The following SCD5 variants were observed in gnomAD, a reference collection of about 807,000 sequenced individuals.
SCD5 encodes the protein acyl-CoA-desaturase 4.
SCD5 carries 20 observed loss-of-function variants against 30.4 expected under a neutral mutation model. The observed-to-expected ratio is 0.66, with a 90% CI of 0.46 to 0.96. The LOEUF is 0.96. SCD5 is among the 40% of genes least tolerant of loss of function. The pLI, the probability that SCD5 is intolerant of heterozygous loss-of-function variation, is 0.00. For synonymous variants in SCD5, 173 were observed against 176.4 expected, an observed-to-expected ratio of 0.98 and a Z score of 0.16; for missense variants, 381 against 443.3, an observed-to-expected ratio of 0.86 and a Z score of 1.26.
chr4:82,775,217 C>G (rs1455526346), intron 1 of SCD5, among the ~76,000 whole-genome samples: 1 of 152,168 alleles, frequency 6.6e-6, no homozygotes, highest in East Asian at 1.9e-4. Flanking sequence ...TTCACTGGAC[C>G]ACAGTTGCTT....
At chr4:82,790,980 C>A (rs1283722394) in intron 1 of SCD5, among the ~76,000 whole-genome samples, 1 of 152,172 alleles carries the variant, frequency 6.6e-6, no homozygotes, top group East Asian at 1.9e-4. Context: ...TGGCTCATGC[C>A]TGTAATCCCA....
intron 1 of SCD5, among the ~76,000 whole-genome samples, chr4:82,735,817 GAAAT>G (rs1720738044): frequency 6.6e-6 from 1 of 152,174 alleles, no homozygotes; most frequent in African/African-American, 2.4e-5. Flanking sequence ...TCCTTGACTA[GAAAT>G]ATGTCGTAGG....
intron 3 of SCD5, among the ~76,000 whole-genome samples, chr4:82,646,526 T>G (rs563651921): frequency 1.3e-5 from 2 of 152,334 alleles, no homozygotes; most frequent in African/African-American, 4.8e-5. Flanking sequence ...TGCAGTGTCT[T>G]TAAGTGAAAG....
chr4:82,795,332 G>T (rs1232122429), intron 1 of SCD5, among the ~76,000 whole-genome samples: 1 of 152,144 alleles, frequency 6.6e-6, no homozygotes, highest in Admixed American at 6.5e-5. Flanking sequence ...CATGAACTTG[G>T]CCCTAATGCT....
At chr4:82,662,549 A>T (rs929877255) in intron 3 of SCD5, among the ~76,000 whole-genome samples, 1 of 151,766 alleles carries the variant, frequency 6.6e-6, no homozygotes, top group Non-Finnish European at 1.5e-5. Context: ...TCATACCATT[A>T]TTATAATGGT....
At chr4:82,698,263 A>C (rs1350218798) in intron 2 of SCD5, among the ~76,000 whole-genome samples, 2 of 152,146 alleles carry the variant, frequency 1.3e-5, no homozygotes, top group Non-Finnish European at 2.9e-5. Flanking sequence ...GAGCCACATA[A>C]GGTTAAGGAT....
chr4:82,649,065 T>A (rs1727689791), intron 3 of SCD5, among the ~76,000 whole-genome samples: 1 of 152,054 alleles, frequency 6.6e-6, no homozygotes, highest in Non-Finnish European at 1.5e-5. Context: ...GATAGCTGAG[T>A]AGTGAGACAC....
intron 1 of SCD5, among the ~76,000 whole-genome samples, chr4:82,762,531 T>C (rs1721398895): frequency 6.6e-6 from 1 of 152,122 alleles, no homozygotes; most frequent in South Asian, 2.1e-4. Flanking sequence ...GCGTGAGCCA[T>C]TGCATCCAGC....
intron 1 of SCD5, among the ~76,000 whole-genome samples, chr4:82,738,549 C>G (rs1459065964): frequency 6.6e-6 from 1 of 152,202 alleles, no homozygotes; most frequent in Non-Finnish European, 1.5e-5. Flanking sequence ...TTCTTACTTG[C>G]CAGCTTAGAC....
intron 1 of SCD5, among the ~76,000 whole-genome samples, chr4:82,785,457 T>C (rs1298842739): frequency 6.6e-6 from 1 of 152,246 alleles, no homozygotes; most frequent in African/African-American, 2.4e-5. Context: ...AAAGTCCTTT[T>C]CGTTTGTCCT....
At chr4:82,740,026 C>T (rs1055175392) in intron 1 of SCD5, among the ~76,000 whole-genome samples, 2 of 152,146 alleles carry the variant, frequency 1.3e-5, no homozygotes, top group Admixed American at 6.5e-5. Context: ...TCTGACCTGC[C>T]CTTCAAATAT....
intron 3 of SCD5, among the ~76,000 whole-genome samples, chr4:82,661,404 G>A (rs542895915): frequency 3.9e-5 from 6 of 152,282 alleles, no homozygotes; most frequent in Middle Eastern, 3.4e-3. Context: ...GTCAACTGAC[G>A]AGGGGTCTCA....
chr4:82,663,447 C>T (rs898138761), intron 3 of SCD5, among the ~76,000 whole-genome samples: 2 of 152,172 alleles, frequency 1.3e-5, no homozygotes, highest in East Asian at 1.9e-4. Flanking sequence ...CCCTCTGCCA[C>T]ATAGACATGC....
At chr4:82,746,062 T>G (rs1378321526) in intron 1 of SCD5, among the ~76,000 whole-genome samples, 2 of 152,214 alleles carry the variant, frequency 1.3e-5, no homozygotes, top group African/African-American at 4.8e-5. Context: ...TCACAATAAG[T>G]GCTATATGAG....
chr4:82,701,887 T>C (rs1422630639), intron 2 of SCD5, among the ~76,000 whole-genome samples: 1 of 152,180 alleles, frequency 6.6e-6, no homozygotes, highest in Non-Finnish European at 1.5e-5. Flanking sequence ...ATCTGAATCC[T>C]GGCTCTTCCT....
At chr4:82,673,442 A>T (rs945665956) in intron 3 of SCD5, among the ~76,000 whole-genome samples, 8 of 152,218 alleles carry the variant, frequency 5.3e-5, no homozygotes, top group Non-Finnish European at 1.2e-4. Context: ...AGAAGTATAA[A>T]TCTAACAAAA....
intron 2 of SCD5, among the ~76,000 whole-genome samples, chr4:82,697,614 G>C (rs11939349): frequency 0.011 from 1,657 of 152,262 alleles, 38 homozygotes; most frequent in African/African-American, 0.037. Context: ...AGGCATCTTA[G>C]GGGTGGGGAA....
intron 4 of SCD5, among the ~76,000 whole-genome samples, chr4:82,636,065 G>C (rs1374453531): frequency 6.6e-6 from 1 of 152,164 alleles, no homozygotes; most frequent in East Asian, 1.9e-4. Flanking sequence ...CTACGTGCCA[G>C]GCACTGTACT....
At chr4:82,674,610 C>T (rs544166102) in intron 3 of SCD5, among the ~76,000 whole-genome samples, 22 of 152,318 alleles carry the variant, frequency 1.4e-4, no homozygotes, top group Admixed American at 1.2e-3. Flanking sequence ...AATCCCACAA[C>T]TGTGCTCCTT....
Sources: allele counts gnomAD v4.1 joint callset (sites outside exome capture counted in the v4.1 genomes callset), GRCh38; gene constraint gnomAD v4.1.1; transcripts MANE v1.5; gene names NCBI Gene and HGNC (gene_info 2026-07-23, HGNC 2026-07-21).